Variants in PLXNC1 observed in about 807,000 individuals in gnomAD.
PLXNC1 encodes the protein plexin-C1.
PLXNC1 carries 75 observed loss-of-function variants against 178.2 expected under a neutral mutation model. That is an observed-to-expected ratio of 0.42 (90% confidence interval 0.35 to 0.51). The LOEUF is 0.51. Ranked by LOEUF, PLXNC1 falls within the 20% of genes least tolerant of loss-of-function variation. The pLI is 0.02. For missense variants in PLXNC1, 1,503 were observed against 1,984.4 expected, an observed-to-expected ratio of 0.76 and a Z score of 4.61; for synonymous variants, 790 against 779.9, an observed-to-expected ratio of 1.01 and a Z score of -0.22.
intron 5 of PLXNC1, among the ~76,000 whole-genome samples, chr12:94,210,394 T>A (rs55768776): frequency 0.2 from 31,001 of 152,100 alleles, 3,271 homozygotes; most frequent in Middle Eastern, 0.26. Context: ...CCTTGCAGTC[T>A]CAGTGGTGCT....
At chr12:94,189,911 A>G (rs548159468) in intron 4 of PLXNC1, among the ~76,000 whole-genome samples, 1 of 152,296 alleles carries the variant, frequency 6.6e-6, no homozygotes, top group Non-Finnish European at 1.5e-5. Context: ...GAGGAGCTAC[A>G]TATTCAAGGA....
intron 9 of PLXNC1, 44 bp downstream of exon 9, chr12:94,227,279 G>T (rs1455971840): frequency 1.7e-5 from 20 of 1,149,226 alleles, no homozygotes; most frequent in Non-Finnish European, 2.6e-5. Flanking sequence ...ACCTGTCTTT[G>T]AATGACCATG....
Position 94,234,526 on chromosome 12 carries a change from A to T in PLXNC1, c.1981-3138A>T, listed in dbSNP as rs181706086. On this transcript the variant is annotated intron_variant, in intron 9 of 30. Coordinates refer to ENST00000258526, the MANE Select transcript of PLXNC1 (RefSeq NM_005761.3). ...TTAAATAAGTTCAAATTGTGCAGCC[A>T]TTTAAAAATAACCCTGAAGTCTTTA... 1.5e-3 allele frequency among the ~76,000 whole-genome samples: 230 copies of T among 152,394 alleles called. 1 individual carries two copies. The highest frequency in any genetic ancestry group is 5.5e-3 in the African/African-American group (227 of 41,600).
intron 2 of PLXNC1, among the ~76,000 whole-genome samples, chr12:94,170,479 C>CT (rs1961802626): frequency 6.6e-6 from 1 of 152,164 alleles, no homozygotes; most frequent in East Asian, 1.9e-4. Context: ...CCTTATGTGT[C>CT]TATGCTGTGG....
intron 21 of PLXNC1, among the ~76,000 whole-genome samples, chr12:94,274,089 G>A (rs1965756964): frequency 6.9e-6 from 1 of 145,262 alleles, no homozygotes; most frequent in South Asian, 2.2e-4. Flanking sequence ...GGGAAGCCAA[G>A]GTGGGAGGAT....
At chr12:94,274,266 A>C (rs1480452602) in intron 21 of PLXNC1, among the ~76,000 whole-genome samples, 1 of 145,362 alleles carries the variant, frequency 6.9e-6, no homozygotes, top group Non-Finnish European at 1.5e-5. Context: ...TGAGCCTGGG[A>C]GGTCGAGGCT....
intron 16 of PLXNC1, 89 bp from the exon 17 acceptor site, chr12:94,255,104 A>G: frequency 9.2e-7 from 1 of 1,086,298 alleles, no homozygotes; most frequent in East Asian, 2.4e-5. Flanking sequence ...ATGAAAACCA[A>G]GGTCATACTC....
At chr12:94,265,815 C>T (rs575602686) in intron 21 of PLXNC1, among the ~76,000 whole-genome samples, 1 of 151,944 alleles carries the variant, frequency 6.6e-6, no homozygotes, top group Non-Finnish European at 1.5e-5. Flanking sequence ...GGGTTTCACC[C>T]GCTTGAGAAC....
chr12:94,150,984 T>C (rs1218610351), intron 1 of PLXNC1: 1 of 152,144 alleles, frequency 6.6e-6, no homozygotes, highest in Non-Finnish European at 1.5e-5. Context: ...TTGATGGGGA[T>C]TATGGAGCCA....
chr12:94,198,301 A>G (rs529088151), intron 4 of PLXNC1, among the ~76,000 whole-genome samples: 14 of 152,266 alleles, frequency 9.2e-5, no homozygotes, highest in African/African-American at 3.1e-4. Context: ...CAAATACCGC[A>G]TGTTCTCACT....
chr12:94,235,554 A>G (rs1291763067), intron 9 of PLXNC1, among the ~76,000 whole-genome samples: 1 of 152,228 alleles, frequency 6.6e-6, no homozygotes, highest in Non-Finnish European at 1.5e-5. Context: ...AAAGAAAAAA[A>G]ATTCTATCTT....
At chr12:94,263,650 G>A (rs1965066413) in intron 20 of PLXNC1, among the ~76,000 whole-genome samples, 1 of 152,058 alleles carries the variant, frequency 6.6e-6, no homozygotes, top group Non-Finnish European at 1.5e-5. Flanking sequence ...GGAAAGAGAA[G>A]AGAAGGGTGA....
At chr12:94,188,967 G>A (rs1374268659) in intron 4 of PLXNC1, among the ~76,000 whole-genome samples, 1 of 147,016 alleles carries the variant, frequency 6.8e-6, no homozygotes, top group Non-Finnish European at 1.5e-5. Flanking sequence ...CTGGAGGTTT[G>A]AGGAGAAAAG....
chr12:94,218,746 C>T (rs183228476), intron 5 of PLXNC1, among the ~76,000 whole-genome samples: 31 of 152,184 alleles, frequency 2.0e-4, no homozygotes, highest in Admixed American at 5.9e-4. Flanking sequence ...TCCCTGTACA[C>T]ATACAAACAT....
Position 94,181,593 on chromosome 12 carries a change from A to G in PLXNC1, c.1338+13A>G, listed in dbSNP as rs774131925. The G allele has an allele frequency of 6.3e-7, 1 of 1,588,782 alleles. No homozygotes were observed. Among genetic ancestry groups the G allele is most frequent in the South Asian group, 1.1e-5 (1 of 89,294 alleles). On this transcript the variant is annotated intron_variant, in intron 3 of 30. Coordinates refer to ENST00000258526, the MANE Select transcript of PLXNC1 (RefSeq NM_005761.3). ...AGCTGGGAAAGAGGTAGGTAGAAAT[A>G]CTAGTTATTGCTTCTGATTTATGAA...
intron 4 of PLXNC1, among the ~76,000 whole-genome samples, chr12:94,195,298 T>G (rs541967332): frequency 6.6e-6 from 1 of 152,230 alleles, no homozygotes; most frequent in South Asian, 2.1e-4. Context: ...CTCTGGTGTG[T>G]TTTGTAAAGA....
At chr12:94,224,412 G>A in intron 7 of PLXNC1, 97 bp downstream of exon 7, 1 of 788,108 alleles carries the variant, frequency 1.3e-6, no homozygotes, top group East Asian at 2.5e-5. Flanking sequence ...TTGTGAGACA[G>A]AACTTTCCAA....
chr12:94,219,675 A>G (rs968844302), intron 5 of PLXNC1, among the ~76,000 whole-genome samples: 2 of 152,328 alleles, frequency 1.3e-5, no homozygotes, highest in East Asian at 3.9e-4. Flanking sequence ...TATCTACACC[A>G]TACAGAGAGC....
intron 2 of PLXNC1, among the ~76,000 whole-genome samples, chr12:94,170,038 C>T (rs1357688018): frequency 1.3e-5 from 2 of 152,188 alleles, no homozygotes; most frequent in African/African-American, 4.8e-5. Context: ...TCTGTGGTCT[C>T]CAACAACATT....
Sources: gnomAD v4.1 joint callset for allele counts (sites outside exome capture counted in the v4.1 genomes callset) on GRCh38, gnomAD v4.1.1 for gene constraint, MANE v1.5 for transcripts, NCBI Gene and HGNC (gene_info 2026-07-23, HGNC 2026-07-21) for gene names.